The following CNOT10 variants were observed in gnomAD, a reference collection of about 807,000 sequenced individuals.
CNOT10 encodes the protein CCR4-NOT transcription complex subunit 10.
CNOT10 carries 30 observed loss-of-function variants against 94.6 expected under a neutral mutation model. That is an observed-to-expected ratio of 0.32 (90% CI 0.24 to 0.43). The LOEUF (loss-of-function observed/expected upper bound fraction) is 0.43. Ranked by LOEUF, CNOT10 falls within the 20% of genes least tolerant of loss-of-function variation. The pLI, the probability that CNOT10 is intolerant of heterozygous loss-of-function variation, is 1.00. For synonymous variants in CNOT10, 289 were observed against 301.6 expected, an observed-to-expected ratio of 0.96 and a Z score of 0.43; for missense variants, 759 against 877.2, an observed-to-expected ratio of 0.87 and a Z score of 1.70.
At chr3:32,720,389 G>A (rs1240050907) in intron 8 of CNOT10, among the ~76,000 whole-genome samples, 158 bp downstream of exon 8, 1 of 151,852 alleles carries the variant, frequency 6.6e-6, no homozygotes, top group Non-Finnish European at 1.5e-5. Flanking sequence ...AGGAATTCTT[G>A]TTTCTACTTT....
intron 17 of CNOT10, chr3:32,765,081 G>C (rs2125641658): frequency 9.7e-7 from 1 of 1,028,750 alleles, no homozygotes; most frequent in Non-Finnish European, 1.3e-6. Context: ...AGCACTTTGG[G>C]AGGCCGAGGC....
rs1700293776 is a variant in CNOT10 at position 32,758,074 on chromosome 3, TAATA to T, written c.1596-1381_1596-1378del. ...GTTTTTTGTAAGTGGTCTTGTGAGT[TAATA>T]AAGAAGCAATGTGATTGGATGGGAA... On this transcript the variant is annotated intron_variant, in intron 13 of 18. Coordinates refer to ENST00000328834, the MANE Select transcript of CNOT10 (RefSeq NM_015442.3). Among the ~76,000 whole-genome samples, 12 of 152,300 alleles carry T rather than the reference TAATA, an allele frequency of 7.9e-5. No homozygotes were observed. The South Asian group carries it at 2.5e-3, about 32-fold the overall frequency.
At position 32,734,959 on chromosome 3, in the gene CNOT10, A is replaced by C. The variant is rs1699118595; in HGVS notation, c.1497A>C (p.Glu499Asp). Residue 499 changes from glutamate to aspartate, a missense_variant, in exon 12 of 19, where the codon GAA becomes GAC. Physicochemically the swap from Glu to Asp is conservative, Grantham distance 45. Transcript: ENST00000328834. ...TAGGTGGGAACACAGAGAGCAGCGA[A>C]AGCAGTGAAACTTGCAGGTATTCTA... The part of the protein sequence containing the change: ...NQLGGNTESS[E>D]SSETCSSKSH... 2 of 1,613,520 alleles carry C rather than the reference A, an allele frequency of 1.2e-6. No homozygotes were observed. The highest frequency in any genetic ancestry group is 1.7e-6 in the Non-Finnish European group (2 of 1,179,662).
intron 1 of CNOT10, among the ~76,000 whole-genome samples, chr3:32,699,525 T>C (rs1697234247): frequency 6.6e-6 from 1 of 152,208 alleles, no homozygotes; most frequent in African/African-American, 2.4e-5. Context: ...TTTCTGGTGT[T>C]TGAGGAACAC....
intron 2 of CNOT10, 126 bp downstream of exon 2, chr3:32,704,088 G>T (rs1439282540): frequency 3.7e-6 from 2 of 546,976 alleles, no homozygotes; most frequent in Non-Finnish European, 6.4e-6. Context: ...TTAGAGATAA[G>T]TAGGTTTAAT....
In CNOT10 at chr3:32,704,700, T is replaced by C. The variant is rs6769549; in HGVS notation, c.118-111T>C. 9.8e-4 allele frequency: 1,217 copies of C among 1,235,574 alleles called. 13 individuals carry two copies. In the African/African-American group the frequency reaches 0.018, roughly 18 times the overall value. 76.5% of individuals were successfully genotyped at this position (1,235,574 alleles called of 1,614,324 possible). A position where few individuals can be genotyped will look rare whatever the true frequency, so the allele number is the denominator to read the frequency against. On this transcript the variant is annotated intron_variant, in intron 2 of 18. Transcript: ENST00000328834. ...AGTATATGTAGGGAAACTACATCTT[T>C]CTTTTTAAGAACTTTTAAGATAAAG... is the stretch of plus-strand genomic sequence containing the variant.
intron 5 of CNOT10, chr3:32,716,005 C>G: frequency 5.3e-6 from 2 of 375,392 alleles, no homozygotes; most frequent in South Asian, 7.3e-5. Context: ...TGCGATTTTG[C>G]CATGTTACTC....
intron 10 of CNOT10, among the ~76,000 whole-genome samples, chr3:32,729,824 A>C (rs1051660362): frequency 2.5e-5 from 3 of 118,358 alleles, no homozygotes; most frequent in Non-Finnish European, 3.2e-5. Context: ...GCTGGAGTGC[A>C]GTGGCGGGAT....
chr3:32,694,880 C>T (rs1037513344), intron 1 of CNOT10, among the ~76,000 whole-genome samples: 27 of 152,034 alleles, frequency 1.8e-4, no homozygotes, highest in Admixed American at 1.3e-3. Flanking sequence ...TGAGTCACCG[C>T]GCCCAGCCTA....
intron 5 of CNOT10, among the ~76,000 whole-genome samples, chr3:32,715,291 G>A (rs113354331): frequency 7.9e-5 from 12 of 152,284 alleles, no homozygotes; most frequent in African/African-American, 2.6e-4. Flanking sequence ...TTTGTTTTGG[G>A]CCTTGGAAGA....
intron 1 of CNOT10, among the ~76,000 whole-genome samples, chr3:32,703,129 T>C (rs907620348): frequency 4.7e-5 from 7 of 149,808 alleles, no homozygotes; most frequent in Non-Finnish European, 8.9e-5. Context: ...TTTCACCGTG[T>C]TAGCCAGGAT....
chr3:32,716,446 G>A (rs1698124155), intron 6 of CNOT10, 135 bp downstream of exon 6: 1 of 492,576 alleles, frequency 2.0e-6, no homozygotes, highest in African/African-American at 2.0e-5. Context: ...TTGAAGTATT[G>A]TAGTTTAGAA....
chr3:32,690,815 G>A (rs1696817333), intron 1 of CNOT10, among the ~76,000 whole-genome samples: 1 of 151,986 alleles, frequency 6.6e-6, no homozygotes, highest in Admixed American at 6.6e-5. Flanking sequence ...CCAAAGTGCT[G>A]GGATTACAGG....
In CNOT10 at chr3:32,734,930, C is replaced by T; in HGVS notation, c.1468C>T (p.Gln490Ter). 6.2e-7 allele frequency: 1 copy of T among 1,613,986 alleles called. No individual in the cohort carries two copies. The highest frequency in any genetic ancestry group is 8.5e-7 in the Non-Finnish European group (1 of 1,179,932). ...GGAAAATGGGGCTAAAAATAGTAAT[C>T]AATTAGGTGGGAACACAGAGAGCAG... is the stretch of plus-strand genomic sequence containing the variant. ...KQENGAKNSN[Q>*]LGGNTESSES... The change falls in exon 12 of 19, where the codon CAA becomes TAA. Residue 490 changes from glutamine (Q) to a stop codon, truncating the protein, a stop_gained. Coordinates refer to ENST00000328834, the MANE Select transcript of CNOT10 (RefSeq NM_015442.3). LOFTEE classifies it high-confidence loss of function.
intron 4 of CNOT10, among the ~76,000 whole-genome samples, chr3:32,710,067 A>G (rs901505169): frequency 5.3e-5 from 8 of 150,596 alleles, no homozygotes; most frequent in African/African-American, 2.0e-4. Context: ...GGATCACTTG[A>G]ACCCGAGAGG....
intron 5 of CNOT10, among the ~76,000 whole-genome samples, chr3:32,715,640 A>G (rs1698085208): frequency 6.6e-6 from 1 of 152,228 alleles, no homozygotes; most frequent in South Asian, 2.1e-4. Flanking sequence ...TTTTAAAACA[A>G]GCCCAGGCTG....
rs1402044733 is a variant in CNOT10, at chr3:32,708,698, G to T, written c.308G>T (p.Gly103Val). The change falls in exon 4 of 19, where the codon GGA (glycine) becomes GTA (valine). Residue 103 changes from glycine to valine, a missense_variant. This residue lies in a region of CNOT10 where 682 missense variants were observed against 799.4 expected (regional missense o/e 0.85). Transcript: ENST00000328834. ...CACTCAGCTGTTGAAGAAATGGATG[G>T]ATTAGATGATGTTGAAAACAGCATG... The part of the protein sequence containing the change: ...QVHSAVEEMD[G>V]LDDVENSMLY... 6.2e-7 allele frequency: 1 copy of T among 1,612,888 alleles called. No individual in the cohort carries two copies. Among genetic ancestry groups the T allele is most frequent in the Non-Finnish European group, 8.5e-7 (1 of 1,179,594 alleles).
intron 17 of CNOT10, chr3:32,769,135 T>C (rs1032232723): frequency 1.3e-5 from 2 of 152,252 alleles, no homozygotes; most frequent in Non-Finnish European, 2.9e-5. Flanking sequence ...TGTAGAAGTC[T>C]ATTATCTGAT....
chr3:32,708,728 A>G lies in CNOT10; in HGVS notation c.338A>G (p.Tyr113Cys), dbSNP rs1430272639. 2 of 1,613,346 alleles carry G rather than the reference A, an allele frequency of 1.2e-6. No homozygotes were observed. The highest frequency in any genetic ancestry group is 2.2e-5 in the East Asian group (1 of 44,824). ...GLDDVENSML[Y>C]YNQAVILYHL... ...GATGATGTTGAAAACAGCATGTTGTACTATAATCAAGCAGTCATTCTTTAT... is the reference window on the plus strand; with the variant it reads ...GATGATGTTGAAAACAGCATGTTGTGCTATAATCAAGCAGTCATTCTTTAT... Residue 113 changes from tyrosine (Y) to cysteine (C), a missense_variant, in exon 4 of 19, where the codon TAC becomes TGC. Tyr to Cys is a radical substitution (Grantham distance 194). Transcript: ENST00000328834.
Sources: gnomAD v4.1 joint callset for allele counts (sites outside exome capture counted in the v4.1 genomes callset) on GRCh38, gnomAD v4.1.1 for gene constraint, gnomAD v4.1.1 regional missense constraint, MANE v1.5 for transcripts, NCBI Gene and HGNC (gene_info 2026-07-23, HGNC 2026-07-21) for gene names.